The following EFL1 variants were observed in gnomAD, a reference collection of about 807,000 sequenced individuals.
EFL1 encodes the protein elongation factor like GTPase 1.
In EFL1, 76 loss-of-function variants were observed where a neutral mutation model predicts 126.7. The ratio of observed to expected loss-of-function variants is 0.60; its 90% CI spans 0.50 to 0.73. EFL1 has a LOEUF of 0.73. Ranked by LOEUF, EFL1 falls within the 30% of genes least tolerant of loss-of-function variation. The pLI is 0.00. For synonymous variants in EFL1, 410 were observed against 448.4 expected (o/e 0.91, Z 1.08); for missense variants, 1,128 against 1,343.2 (o/e 0.84, Z 2.50).
At chr15:82,176,253 TAGAATATCACCATGA>T (rs1178666881) in intron 15 of EFL1, among the ~76,000 whole-genome samples, 1 of 152,076 alleles carries the variant, frequency 6.6e-6, no homozygotes, top group Non-Finnish European at 1.5e-5. Context: ...AATAACAACA[TAGAATATCACCATGA>T]CTTTGGAATA....
At chr15:82,161,803 T>C (rs2074026578) in intron 16 of EFL1, among the ~76,000 whole-genome samples, 1 of 152,222 alleles carries the variant, frequency 6.6e-6, no homozygotes, top group African/African-American at 2.4e-5. Context: ...AATCTTACTA[T>C]GAATCAGCTA....
chr15:82,194,610 A>G (rs945294610), intron 15 of EFL1, among the ~76,000 whole-genome samples: 1 of 152,260 alleles, frequency 6.6e-6, no homozygotes, highest in Non-Finnish European at 1.5e-5. Context: ...ATCAGTGATA[A>G]TAAGGGTGAC....
At chr15:82,211,420 G>A (rs1291424084) in intron 15 of EFL1, among the ~76,000 whole-genome samples, 1 of 151,790 alleles carries the variant, frequency 6.6e-6, no homozygotes, top group Admixed American at 6.6e-5. Flanking sequence ...CAGCTACTCA[G>A]GAGGCTTAGG....
At chr15:82,163,773 A>G in intron 16 of EFL1, 80 bp downstream of exon 16, 2 of 1,503,588 alleles carry the variant, frequency 1.3e-6, no homozygotes, top group South Asian at 2.6e-5. Flanking sequence ...GAAACAAGTC[A>G]TGAGGAATCA....
At chr15:82,130,731 G>A (rs187244024) in intron 19 of EFL1, among the ~76,000 whole-genome samples, 170 bp from the exon 20 acceptor site, 1 of 152,362 alleles carries the variant, frequency 6.6e-6, no homozygotes, top group Non-Finnish European at 1.5e-5. Context: ...GGGTGTGGTG[G>A]CTCACGCCTA....
At chr15:82,256,622 G>GT (rs2075069122) in intron 3 of EFL1, among the ~76,000 whole-genome samples, 2 of 152,188 alleles carry the variant, frequency 1.3e-5, no homozygotes, top group South Asian at 4.2e-4. Flanking sequence ...TTCATTTTAG[G>GT]TTTTTTATAA....
At chr15:82,257,825 T>C (rs1421847267) in intron 3 of EFL1, among the ~76,000 whole-genome samples, 6 of 152,262 alleles carry the variant, frequency 3.9e-5, no homozygotes, top group Non-Finnish European at 5.9e-5. Flanking sequence ...AAAACAAACT[T>C]CTGGCTTCAC....
At chr15:82,251,052 A>C (rs1327330732) in intron 4 of EFL1, among the ~76,000 whole-genome samples, 5 of 152,070 alleles carry the variant, frequency 3.3e-5, no homozygotes, top group Non-Finnish European at 5.9e-5. Flanking sequence ...CCTCTACTAA[A>C]AATACAAAAA....
intron 4 of EFL1, among the ~76,000 whole-genome samples, chr15:82,252,412 G>A (rs1212391100): frequency 1.3e-5 from 2 of 152,152 alleles, no homozygotes; most frequent in Non-Finnish European, 2.9e-5. Flanking sequence ...ACCAGCTAAA[G>A]TCCTAGGGCT....
At chr15:82,259,646 A>T (rs2075095978) in intron 2 of EFL1, among the ~76,000 whole-genome samples, 1 of 152,230 alleles carries the variant, frequency 6.6e-6, no homozygotes, top group Non-Finnish European at 1.5e-5. Context: ...AGAATCTTCG[A>T]ATATATTTAT....
chr15:82,130,594 T>G, intron 19 of EFL1, 33 bp from the exon 20 acceptor site: 1 of 1,604,454 alleles, frequency 6.2e-7, no homozygotes, highest in South Asian at 1.1e-5. Flanking sequence ...TGTGCAAGGT[T>G]AGGCATTTTT....
chr15:82,252,547 C>T lies in EFL1; in HGVS notation c.244+144G>A, dbSNP rs999030024. On this transcript the variant is annotated intron_variant, in intron 4 of 19. Coordinates refer to ENST00000268206, the MANE Select transcript of EFL1 (RefSeq NM_024580.6). The stretch of plus-strand genomic sequence containing the variant: ...CTGCATCCAAGCCTGGACAGCCTGA[C>T]TCTGACAACAGATCATGTGGAGAGG... The T allele has an allele frequency of 5.9e-6, 4 of 682,484 alleles. No individual in the cohort carries two copies. The African/African-American group carries it at 7.1e-5, about 12-fold the overall frequency. The allele number at this position is 682,484 out of a possible 1,614,324, so 42.3% of individuals were successfully genotyped here.
intron 18 of EFL1, among the ~76,000 whole-genome samples, chr15:82,146,969 G>T (rs189436914): frequency 1.3e-5 from 2 of 152,140 alleles, no homozygotes; most frequent in African/African-American, 4.8e-5. Context: ...AAAATATAAG[G>T]ATAGGATGAC....
intron 19 of EFL1, among the ~76,000 whole-genome samples, chr15:82,131,807 A>T (rs897754187): frequency 1.3e-5 from 2 of 152,158 alleles, no homozygotes; most frequent in Non-Finnish European, 2.9e-5. Flanking sequence ...GAAAAAAAAA[A>T]GTTCAATTTT....
intron 19 of EFL1, among the ~76,000 whole-genome samples, chr15:82,134,647 C>T (rs1266303438): frequency 1.3e-5 from 2 of 152,230 alleles, no homozygotes; most frequent in Non-Finnish European, 2.9e-5. Flanking sequence ...ATTGTAATCA[C>T]TTCACCCGGT....
chr15:82,259,789 G>A (rs1174545000), intron 2 of EFL1, among the ~76,000 whole-genome samples: 1 of 152,088 alleles, frequency 6.6e-6, no homozygotes, highest in Non-Finnish European at 1.5e-5. Context: ...AGCAAAGGAG[G>A]GTTTTTTTCC....
intron 15 of EFL1, among the ~76,000 whole-genome samples, chr15:82,165,194 A>T (rs1033684720): frequency 1.3e-5 from 2 of 152,162 alleles, no homozygotes; most frequent in Non-Finnish European, 2.9e-5. Context: ...GCTTAAGCAC[A>T]GGAGTTCAAG....
intron 14 of EFL1, 60 bp from the exon 15 acceptor site, chr15:82,214,915 T>C (rs977940415): frequency 9.1e-6 from 14 of 1,540,960 alleles, no homozygotes; most frequent in African/African-American, 1.4e-5. Flanking sequence ...TTAATTGGTA[T>C]TTGTAAAGTT....
chr15:82,197,515 T>C (rs1429395666), intron 15 of EFL1, among the ~76,000 whole-genome samples: 1 of 152,198 alleles, frequency 6.6e-6, no homozygotes, highest in African/African-American at 2.4e-5. Context: ...TGCTTCTAAT[T>C]GCATGGGGGT....
Sources: gnomAD v4.1 joint callset for allele counts (sites outside exome capture counted in the v4.1 genomes callset) on GRCh38, gnomAD v4.1.1 for gene constraint, MANE v1.5 for transcripts, NCBI Gene and HGNC (gene_info 2026-07-23, HGNC 2026-07-21) for gene names.